KIAA1549: variants seen among roughly 807,000 people sequenced by gnomAD.
KIAA1549 encodes the protein KIAA1549.
KIAA1549 carries 70 observed loss-of-function variants against 156.4 expected under a neutral mutation model. The ratio of observed to expected loss-of-function variants is 0.45; its 90% CI spans 0.37 to 0.55. KIAA1549 has a LOEUF of 0.55. Ranked by LOEUF, KIAA1549 falls within the 20% of genes least tolerant of loss-of-function variation. The pLI is 0.00. For missense variants in KIAA1549, 2,428 were observed against 2,540.9 expected, an observed-to-expected ratio of 0.96 and a Z score of 0.96; for synonymous variants, 1,103 against 1,066.4, an observed-to-expected ratio of 1.03 and a Z score of -0.67.
At chr7:138,895,779 G>T (rs562233720) in intron 9 of KIAA1549, among the ~76,000 whole-genome samples, 2 of 152,230 alleles carry the variant, frequency 1.3e-5, no homozygotes, top group South Asian at 4.2e-4. Flanking sequence ...GCTTCACTGT[G>T]TTAATTTGGA....
At chr7:138,859,476 A>G (rs1361024987) in intron 16 of KIAA1549, among the ~76,000 whole-genome samples, 1 of 151,994 alleles carries the variant, frequency 6.6e-6, no homozygotes, top group Non-Finnish European at 1.5e-5. Flanking sequence ...GTACCCATAA[A>G]CTGATCAGTA....
At chr7:138,980,908 C>T (rs887683556) in intron 1 of KIAA1549, among the ~76,000 whole-genome samples, 175 bp downstream of exon 1, 114 of 152,330 alleles carry the variant, frequency 7.5e-4, no homozygotes, top group African/African-American at 2.3e-3. Context: ...TTATTTATTT[C>T]CCCCGTGCCT....
intron 10 of KIAA1549, among the ~76,000 whole-genome samples, chr7:138,883,252 G>A (rs1384046454): frequency 2.5e-5 from 3 of 121,454 alleles, no homozygotes; most frequent in African/African-American, 9.4e-5. Context: ...CAGCCCAGGT[G>A]AAAGAGTAAG....
chr7:138,879,600 T>C lies in KIAA1549; in HGVS notation c.4283A>G (p.Asp1428Gly). 3 of 1,566,886 alleles carry C rather than the reference T, an allele frequency of 1.9e-6. No homozygotes were observed. The highest frequency in any genetic ancestry group is 2.6e-6 in the Non-Finnish European group (3 of 1,155,752). The change falls in exon 12 of 20, where the codon GAC becomes GGC. Residue 1428 changes from aspartate to glycine, a missense_variant. Asp to Gly is a moderately conservative substitution (Grantham distance 94). Transcript: ENST00000422774. ...GGCTCCCGGCGTCTTATCTCCTGCGTCCCTCTCGCTGGACTCTTCACTGAC... is the reference window on the plus strand; with the variant it reads ...GGCTCCCGGCGTCTTATCTCCTGCGCCCCTCTCGCTGGACTCTTCACTGAC... ...STVSEESSER[D>G]AGDKTPGAVN...
intron 1 of KIAA1549, among the ~76,000 whole-genome samples, chr7:138,973,652 GC>G (rs1168008700): frequency 6.6e-6 from 1 of 152,028 alleles, no homozygotes; most frequent in African/African-American, 2.4e-5. Flanking sequence ...CATTTAACAA[GC>G]TTTTTTTTTG....
chr7:138,967,568 A>C (rs1391291913), intron 1 of KIAA1549, among the ~76,000 whole-genome samples: 4 of 152,190 alleles, frequency 2.6e-5, no homozygotes, highest in African/African-American at 9.7e-5. Context: ...AGGGGCTAGG[A>C]AAACCACCTA....
intron 16 of KIAA1549, among the ~76,000 whole-genome samples, chr7:138,859,750 C>G (rs2130363643): frequency 6.6e-6 from 1 of 152,292 alleles, no homozygotes; most frequent in East Asian, 1.9e-4. Flanking sequence ...AGTCTAATGT[C>G]AAGCCACCCA....
At chr7:138,919,565 G>T (rs192930135) in intron 1 of KIAA1549, 127 bp from the exon 2 acceptor site, 4 of 1,452,430 alleles carry the variant, frequency 2.8e-6, no homozygotes. Flanking sequence ...ATGAATCACC[G>T]TCAGAAGTTA....
At chr7:138,944,685 T>G (rs560321979) in intron 1 of KIAA1549, among the ~76,000 whole-genome samples, 1 of 151,660 alleles carries the variant, frequency 6.6e-6, no homozygotes, top group Non-Finnish European at 1.5e-5. Flanking sequence ...AGGTGATATA[T>G]CCATAAAATG....
intron 16 of KIAA1549, among the ~76,000 whole-genome samples, chr7:138,855,314 A>G (rs891988149): frequency 6.6e-6 from 1 of 152,162 alleles, no homozygotes; most frequent in Non-Finnish European, 1.5e-5. Context: ...TTGGACCTTC[A>G]GCAACTTGGC....
At chr7:138,935,943 G>A (rs536729684) in intron 1 of KIAA1549, among the ~76,000 whole-genome samples, 1 of 152,310 alleles carries the variant, frequency 6.6e-6, no homozygotes, top group East Asian at 1.9e-4. Context: ...TACTAGAAAA[G>A]TTGGCCCAAG....
chr7:138,836,467 A>C lies in KIAA1549; in HGVS notation c.*1439T>G, dbSNP rs1809710421. 4.7e-6 allele frequency: 1 copy of C among 214,468 alleles called. No homozygotes were observed. The allele number at this position is 214,468 out of a possible 1,614,324, so 13.3% of individuals were successfully genotyped here. A position where few individuals can be genotyped will look rare whatever the true frequency, so the allele number is the denominator to read the frequency against. On this transcript the variant is annotated 3_prime_UTR_variant, in exon 20 of 20. Transcript: ENST00000422774. ...CCTAATGACACATTTCTCAGAATGC[A>C]TCCCCATCATTAAGCGATGCATGAC... is the stretch of plus-strand genomic sequence containing the variant.
chr7:138,911,099 AT>A, intron 4 of KIAA1549, 46 bp downstream of exon 4: 1 of 1,284,512 alleles, frequency 7.8e-7, no homozygotes, highest in Non-Finnish European at 1.1e-6. Context: ...TAAAAAAAAA[AT>A]GAAATTCTTT....
At chr7:138,856,441 T>G (rs1810393986) in intron 16 of KIAA1549, among the ~76,000 whole-genome samples, 1 of 152,182 alleles carries the variant, frequency 6.6e-6, no homozygotes, top group Non-Finnish European at 1.5e-5. Context: ...TGATTCTTCC[T>G]CTTGAATTTA....
intron 1 of KIAA1549, among the ~76,000 whole-genome samples, chr7:138,974,509 C>T (rs1378987793): frequency 2.6e-5 from 4 of 151,988 alleles, no homozygotes; most frequent in African/African-American, 9.7e-5. Context: ...CTCAGCTCAC[C>T]GCAACCTTTG....
chr7:138,934,521 T>G (rs190363566), intron 1 of KIAA1549, among the ~76,000 whole-genome samples: 1 of 151,858 alleles, frequency 6.6e-6, no homozygotes, highest in Non-Finnish European at 1.5e-5. Context: ...TTGCCATATG[T>G]CACATCTTTG....
intron 1 of KIAA1549, among the ~76,000 whole-genome samples, chr7:138,974,255 A>T (rs1363982519): frequency 6.6e-6 from 1 of 151,994 alleles, no homozygotes; most frequent in Non-Finnish European, 1.5e-5. Context: ...TCCTTGAGGC[A>T]CCTGCTGTGC....
intron 1 of KIAA1549, among the ~76,000 whole-genome samples, chr7:138,956,896 T>C (rs1387516641): frequency 6.6e-6 from 1 of 152,216 alleles, no homozygotes; most frequent in Non-Finnish European, 1.5e-5. Flanking sequence ...GCCTACTCTC[T>C]GCCAGGCCCA....
intron 14 of KIAA1549, among the ~76,000 whole-genome samples, chr7:138,868,943 A>C (rs561717220): frequency 6.6e-6 from 1 of 152,328 alleles, no homozygotes; most frequent in Admixed American, 6.5e-5. Flanking sequence ...CCCACCTGGC[A>C]GGCAATAAGA....
Sources: gnomAD v4.1 joint callset for allele counts (sites outside exome capture counted in the v4.1 genomes callset) on GRCh38, gnomAD v4.1.1 for gene constraint, MANE v1.5 for transcripts, NCBI Gene and HGNC (gene_info 2026-07-23, HGNC 2026-07-21) for gene names.